Variants in GEN1 observed in about 807,000 individuals in gnomAD.
GEN1 encodes the protein flap endonuclease GEN homolog 1.
GEN1 carries 64 observed loss-of-function variants against 67.6 expected under a neutral mutation model. That is an observed-to-expected ratio of 0.95 (90% CI 0.77 to 1.17). The LOEUF (loss-of-function observed/expected upper bound fraction) is 1.17, where lower values mean the gene tolerates loss of function less well. GEN1 is among the 50% of genes most tolerant of loss of function. The probability of loss-of-function intolerance (pLI) is 0.00; values close to 1 mark genes in which losing one functional copy is unlikely to be tolerated. For missense variants in GEN1, 1,058 were observed against 1,048.3 expected (o/e 1.01, Z -0.13); for synonymous variants, 371 against 359.4 (o/e 1.03, Z -0.37).
intron 3 of GEN1, among the ~76,000 whole-genome samples, chr2:17,764,484 A>G (rs1306145392): frequency 1.3e-5 from 2 of 152,244 alleles, no homozygotes; most frequent in African/African-American, 4.8e-5. Context: ...ATTTTTTATT[A>G]CAGAAAATTT....
chr2:17,767,490 T>C (rs1572400461), intron 5 of GEN1, among the ~76,000 whole-genome samples: 1 of 152,326 alleles, frequency 6.6e-6, no homozygotes, highest in Middle Eastern at 3.4e-3. Context: ...TTAAGCCTAA[T>C]TTGTAATTTA....
rs944378977 is a variant in GEN1, at chr2:17,786,182, A to G, written c.*4243A>G. On this transcript the variant is annotated 3_prime_UTR_variant, in exon 14 of 14. Transcript: ENST00000381254. ...TTTTGATATCTGTGAAGTCACTGCC[A>G]CCATTGACACATTCTAGGGACTCAG... 2.0e-5 allele frequency: 3 copies of G among 152,226 alleles called. No individual in the cohort carries two copies. Among genetic ancestry groups the G allele is most frequent in the Non-Finnish European group, 2.9e-5 (2 of 68,042 alleles). The allele number at this position is 152,226 out of a possible 1,614,324, so 9.4% of individuals were successfully genotyped here.
Position 17,787,205 on chromosome 2 carries a change from A to G in GEN1, c.*5266A>G, listed in dbSNP as rs557422213. The G allele has an allele frequency of 2.6e-5, 4 of 152,328 alleles. No individual in the cohort carries two copies. The East Asian group carries it at 5.8e-4, about 22-fold the overall frequency. The allele number at this position is 152,328 out of a possible 1,614,324, so 9.4% of individuals were successfully genotyped here. A position where few individuals can be genotyped will look rare whatever the true frequency, so the allele number is the denominator to read the frequency against. ...GTGTCCCCAAAGAAATTACCCATAC[A>G]TTCATCAGAGTATTTATCACATTCA... On this transcript the variant is annotated 3_prime_UTR_variant, in exon 14 of 14. Coordinates refer to ENST00000381254, the MANE Select transcript of GEN1 (RefSeq NM_001130009.3).
intron 10 of GEN1, among the ~76,000 whole-genome samples, chr2:17,773,987 T>C (rs1672313203): frequency 6.6e-6 from 1 of 152,124 alleles, no homozygotes; most frequent in Non-Finnish European, 1.5e-5. Context: ...TGAAGTGGGT[T>C]GTAATATTTT....
At chr2:17,769,132 A>G (rs1672066594) in intron 6 of GEN1, among the ~76,000 whole-genome samples, 1 of 151,962 alleles carries the variant, frequency 6.6e-6, no homozygotes. Context: ...TGATCCTCCT[A>G]CTTCAGCCTC....
chr2:17,772,802 C>G lies in GEN1; in HGVS notation c.953+18C>G. 5 of 1,589,996 alleles carry G rather than the reference C, an allele frequency of 3.1e-6. No homozygotes were observed. Among genetic ancestry groups the G allele is most frequent in the Non-Finnish European group, 4.3e-6 (5 of 1,164,760 alleles). On this transcript the variant is annotated intron_variant, in intron 8 of 13. Transcript: ENST00000381254. ...ATTAAGAAGTAAGTTTTTTTAAAAA[C>G]TCATGATTTTTCCTGGCATGACCTA... is the stretch of plus-strand genomic sequence containing the variant.
Position 17,766,633 on chromosome 2 carries a change from G to T in GEN1, c.580G>T (p.Asp194Tyr). The T allele has an allele frequency of 1.2e-6, 2 of 1,610,636 alleles. No individual in the cohort carries two copies. The highest frequency in any genetic ancestry group is 2.7e-5 in the African/African-American group (2 of 74,924). The stretch of plus-strand genomic sequence containing the variant: ...ATCTATCAAGAGTAAACTAGGTTTG[G>T]ATAGAGATGCTCTGGTTGGATTAGC... ...MSSIKSKLGL[D>Y]RDALVGLAIL... The change falls in exon 5 of 14, where the codon GAT (aspartate) becomes TAT (tyrosine). Residue 194 changes from aspartate to tyrosine, a missense_variant. By Grantham distance (160) the Asp-to-Tyr change is radical. Transcript: ENST00000381254.
chr2:17,755,631 T>TA (rs1436729357), intron 1 of GEN1: 2 of 152,246 alleles, frequency 1.3e-5, no homozygotes, highest in Non-Finnish European at 2.9e-5. Flanking sequence ...TATGAATATA[T>TA]ACTCATCTAA....
At chr2:17,777,840 A>G (rs1031608420) in intron 11 of GEN1, among the ~76,000 whole-genome samples, 162 bp from the exon 12 acceptor site, 3 of 152,098 alleles carry the variant, frequency 2.0e-5, no homozygotes, top group Non-Finnish European at 4.4e-5. Flanking sequence ...TATGTACCTA[A>G]CAATATTATC....
At chr2:17,774,534 A>T in intron 11 of GEN1, 133 bp downstream of exon 11, 1 of 573,066 alleles carries the variant, frequency 1.7e-6, no homozygotes, top group Non-Finnish European at 2.9e-6. Context: ...AAGCTTATTC[A>T]GGGCTTATAA....
chr2:17,780,964 C>G lies in GEN1; in HGVS notation c.1752C>G (p.His584Gln), dbSNP rs1178420180. The G allele has an allele frequency of 6.2e-7, 1 of 1,613,514 alleles. No homozygotes were observed. The change falls in exon 14 of 14, where the codon CAC becomes CAG. Residue 584 changes from histidine (H) to glutamine (Q), a missense_variant. Transcript: ENST00000381254. ...SHNISVIADL[H>Q]LSTIDWEGTS... ...ATATATCCGTGATTGCTGATCTACACTTGAGCACTATTGACTGGGAAGGTA... is the reference window on the plus strand; with the variant it reads ...ATATATCCGTGATTGCTGATCTACAGTTGAGCACTATTGACTGGGAAGGTA...
At chr2:17,775,715 A>C (rs989278091) in intron 11 of GEN1, among the ~76,000 whole-genome samples, 1 of 152,238 alleles carries the variant, frequency 6.6e-6, no homozygotes. Flanking sequence ...AAGTGGAGAA[A>C]TCCAGTGGAC....
chr2:17,774,145 G>C (rs549993453), intron 10 of GEN1, 126 bp from the exon 11 acceptor site: 1 of 424,886 alleles, frequency 2.4e-6, no homozygotes, highest in Admixed American at 4.2e-5. Context: ...ATTGTTTCTA[G>C]AATATTCTCA....
At position 17,781,864 on chromosome 2, in the gene GEN1, A is replaced by C. The variant is rs141534568; in HGVS notation, c.2652A>C (p.Glu884Asp). 1,799 of 1,602,622 alleles carry C rather than the reference A, an allele frequency of 1.1e-3. 17 individuals carry two copies. In the African/African-American group the frequency reaches 0.019, roughly 17 times the overall value. Residue 884 changes from glutamate to aspartate, a missense_variant, in exon 14 of 14, where the codon GAA becomes GAC. By Grantham distance (45) the Glu-to-Asp change is conservative. Transcript: ENST00000381254. ...SLSSLQCHKK[E>D]NNSGTCLDSP... The stretch of plus-strand genomic sequence containing the variant: ...GTTCTCTACAATGTCATAAGAAAGA[A>C]AACAACTCTGGTACTTGTTTGGATA...
rs771094535 is a variant in GEN1, at chr2:17,771,263, C to T, written c.778C>T (p.His260Tyr). Reference sequence around the variant, plus strand: ...ACTGCTAGTCACTAAAAAACTGGCTCATTGTTCCGTATGTTCCCATCCAGG... The same window carrying T: ...ACTGCTAGTCACTAAAAAACTGGCTTATTGTTCCGTATGTTCCCATCCAGG... ...PQLLVTKKLA[H>Y]CSVCSHPGSP... The change falls in exon 7 of 14, where the codon CAT (histidine) becomes TAT (tyrosine). Residue 260 changes from histidine (H) to tyrosine (Y), a missense_variant. His to Tyr is a moderately conservative substitution (Grantham distance 83). Coordinates refer to ENST00000381254, the MANE Select transcript of GEN1 (RefSeq NM_001130009.3). The T allele has an allele frequency of 5.0e-6, 8 of 1,607,290 alleles. No individual in the cohort carries two copies. The highest frequency in any genetic ancestry group is 4.4e-5 in the South Asian group (4 of 90,922).
intron 1 of GEN1, among the ~76,000 whole-genome samples, chr2:17,757,965 G>A (rs1671503528): frequency 6.6e-6 from 1 of 152,154 alleles, no homozygotes; most frequent in Non-Finnish European, 1.5e-5. Context: ...TCCCTGAACT[G>A]TAATCATCCC....
At chr2:17,761,695 TGCC>T (rs1260314410) in intron 3 of GEN1, 113 bp downstream of exon 3, 5 of 696,920 alleles carry the variant, frequency 7.2e-6, no homozygotes, top group Non-Finnish European at 1.1e-5. Context: ...AGCAGGGATG[TGCC>T]TAGAGAAAAG....
At chr2:17,757,121 AGAAAT>A (rs553437730) in intron 1 of GEN1, among the ~76,000 whole-genome samples, 36 of 152,350 alleles carry the variant, frequency 2.4e-4, no homozygotes, top group Non-Finnish European at 4.9e-4. Context: ...TTCCGACAAA[AGAAAT>A]GAAATAATAA....
At position 17,784,224 on chromosome 2, in the gene GEN1, A is replaced by G. The variant is rs1472990859; in HGVS notation, c.*2285A>G. On this transcript the variant is annotated 3_prime_UTR_variant, in exon 14 of 14. Transcript: ENST00000381254. ...AGAAATACAAATGACCAAGAAGCACATTTAAAAATTTTCAGTACTATTACT... is the reference window on the plus strand; with the variant it reads ...AGAAATACAAATGACCAAGAAGCACGTTTAAAAATTTTCAGTACTATTACT... The G allele has an allele frequency of 6.6e-6, 1 of 152,250 alleles. No individual in the cohort carries two copies. Among genetic ancestry groups the G allele is most frequent in the African/African-American group, 2.4e-5 (1 of 41,476 alleles). 9.4% of individuals were successfully genotyped at this position (152,250 alleles called of 1,614,324 possible).
Sources: allele counts gnomAD v4.1 joint callset (sites outside exome capture counted in the v4.1 genomes callset), GRCh38; gene constraint gnomAD v4.1.1; transcripts MANE v1.5; gene names NCBI Gene and HGNC (gene_info 2026-07-23, HGNC 2026-07-21).